Variants in NEBL observed in about 807,000 individuals in gnomAD.
The protein encoded by NEBL is LIM and SH3 protein 2.
NEBL carries 122 observed loss-of-function variants against 140.2 expected under a neutral mutation model. The observed-to-expected ratio is 0.87, with a 90% CI of 0.75 to 1.01. The LOEUF is 1.01. Among genes scored for constraint, NEBL ranks in the 50% least tolerant of loss-of-function variants. The probability of loss-of-function intolerance (pLI) is 0.00; values close to 1 mark genes in which losing one functional copy is unlikely to be tolerated. For synonymous variants in NEBL, 436 were observed against 398.9 expected (o/e 1.09, Z -1.11); for missense variants, 1,365 against 1,231.3 (o/e 1.11, Z -1.62).
intron 1 of NEBL, among the ~76,000 whole-genome samples, chr10:21,263,786 G>C (rs187678332): frequency 2.0e-5 from 3 of 152,050 alleles, no homozygotes; most frequent in African/African-American, 7.2e-5. Flanking sequence ...GCAACATGGC[G>C]AAACCCCGTC....
intron 4 of NEBL, among the ~76,000 whole-genome samples, chr10:20,925,792 T>C (rs983236580): frequency 6.6e-6 from 1 of 152,120 alleles, no homozygotes; most frequent in African/African-American, 2.4e-5. Context: ...TATTGTCTCA[T>C]GCCGGAAAAT....
At chr10:21,095,876 G>A (rs1265952789) in intron 2 of NEBL, among the ~76,000 whole-genome samples, 1 of 152,202 alleles carries the variant, frequency 6.6e-6, no homozygotes, top group Non-Finnish European at 1.5e-5. Flanking sequence ...GAACTAGAAT[G>A]TAAGAAAACC....
intron 7 of NEBL, among the ~76,000 whole-genome samples, chr10:20,867,321 G>T (rs1844396682): frequency 6.6e-6 from 1 of 152,134 alleles, no homozygotes; most frequent in South Asian, 2.1e-4. Context: ...ATTTGTTCGG[G>T]ACTTATTTTA....
rs1029839694 is a variant in NEBL, at chr10:21,276,124, C to A, written n.182+16706G>T. 2.8e-4 allele frequency among the ~76,000 whole-genome samples: 43 copies of A among 151,908 alleles called. 1 individual carries two copies. The highest frequency in any genetic ancestry group is 2.7e-3 in the Admixed American group (41 of 15,222). Reference sequence around the variant, plus strand: ...TAGATGAAACTACAGGTGTGCACAACCATGCCTGGCTAATTTTTTGTATTT... The same window carrying A: ...TAGATGAAACTACAGGTGTGCACAAACATGCCTGGCTAATTTTTTGTATTT... On this transcript the variant is annotated intron_variant and non_coding_transcript_variant, in intron 1 of 8. Transcript: ENST00000675702.
chr10:21,129,205 A>G (rs1211622219), intron 2 of NEBL, among the ~76,000 whole-genome samples: 1 of 152,216 alleles, frequency 6.6e-6, no homozygotes, highest in Non-Finnish European at 1.5e-5. Flanking sequence ...TTGGATCTAC[A>G]TAAGAAAGAA....
chr10:20,946,644 T>TAA (rs1040629665), intron 4 of NEBL, among the ~76,000 whole-genome samples: 1 of 152,116 alleles, frequency 6.6e-6, no homozygotes, highest in Non-Finnish European at 1.5e-5. Context: ...GTATGTTTGG[T>TAA]AGAGACGAGG....
intron 3 of NEBL, among the ~76,000 whole-genome samples, chr10:21,011,825 C>T (rs184950063): frequency 6.6e-6 from 1 of 152,222 alleles, no homozygotes; most frequent in Non-Finnish European, 1.5e-5. Flanking sequence ...ACCCCTGGCC[C>T]CAGGGCCACA....
intron 3 of NEBL, among the ~76,000 whole-genome samples, chr10:20,973,615 CCTT>C (rs1318702080): frequency 1.3e-5 from 2 of 152,160 alleles, no homozygotes; most frequent in African/African-American, 4.8e-5. Flanking sequence ...AATCCTCCCT[CCTT>C]CTAGTAATGG....
chr10:20,835,744 G>A, intron 13 of NEBL, 121 bp from the exon 14 acceptor site: 3 of 745,322 alleles, frequency 4.0e-6, no homozygotes, highest in Non-Finnish European at 7.2e-6. Flanking sequence ...AAAGCTCCTT[G>A]AGTACTATGA....
chr10:21,162,136 C>A (rs1840582693), intron 2 of NEBL, among the ~76,000 whole-genome samples: 1 of 151,948 alleles, frequency 6.6e-6, no homozygotes, highest in South Asian at 2.1e-4. Context: ...GGTGGAGATC[C>A]CTGGTTGATG....
intron 3 of NEBL, among the ~76,000 whole-genome samples, chr10:21,199,239 C>T (rs1374988632): frequency 6.6e-6 from 1 of 151,966 alleles, no homozygotes; most frequent in Admixed American, 6.6e-5. Context: ...CACTATGTTG[C>T]TAAGGCTGGT....
intron 3 of NEBL, among the ~76,000 whole-genome samples, chr10:21,239,215 G>C (rs111689129): frequency 6.6e-6 from 1 of 151,834 alleles, no homozygotes; most frequent in Non-Finnish European, 1.5e-5. Flanking sequence ...GTTCCAACTC[G>C]TCCTGGTGAG....
chr10:20,910,828 GTTTT>G (rs5783756), intron 4 of NEBL, among the ~76,000 whole-genome samples: 1 of 146,582 alleles, frequency 6.8e-6, no homozygotes. Context: ...TTTCGTTTTT[GTTTT>G]TTTTTTTTTG....
chr10:21,036,761 G>T (rs1354643122), intron 2 of NEBL, among the ~76,000 whole-genome samples: 1 of 152,044 alleles, frequency 6.6e-6, no homozygotes, highest in Non-Finnish European at 1.5e-5. Context: ...TGTCTCTACA[G>T]AAAGTGAACC....
chr10:21,227,647 T>C (rs917443206), intron 3 of NEBL, among the ~76,000 whole-genome samples: 8 of 144,902 alleles, frequency 5.5e-5, no homozygotes, highest in African/African-American at 2.0e-4. Flanking sequence ...TCAAAAGCAC[T>C]TGAAGTTTCT....
At chr10:21,289,187 C>G (rs1353208414) in intron 1 of NEBL, among the ~76,000 whole-genome samples, 2 of 151,762 alleles carry the variant, frequency 1.3e-5, no homozygotes, top group African/African-American at 4.8e-5. Context: ...AGGACTTAAG[C>G]CCGGTTGTTC....
At chr10:21,176,819 A>T (rs150268817), upstream of NEBL, among the ~76,000 whole-genome samples, 3 of 152,322 alleles carry the variant, frequency 2.0e-5, no homozygotes, top group East Asian at 5.8e-4. Context: ...ACACTTCTGT[A>T]TTTATAAAGT....
intron 14 of NEBL, 130 bp from the exon 15 acceptor site, chr10:20,831,713 A>G: frequency 1.5e-6 from 1 of 663,236 alleles, no homozygotes; most frequent in Non-Finnish European, 2.6e-6. Context: ...TTTTATTTCT[A>G]TAGAATAATA....
intron 11 of NEBL, among the ~76,000 whole-genome samples, chr10:20,846,746 C>T (rs1376536493): frequency 6.6e-6 from 1 of 151,936 alleles, no homozygotes; most frequent in Non-Finnish European, 1.5e-5. Flanking sequence ...TTTACATCAG[C>T]TAATTCACTT....
Sources: allele counts gnomAD v4.1 joint callset (sites outside exome capture counted in the v4.1 genomes callset), GRCh38; gene constraint gnomAD v4.1.1; transcripts MANE v1.5; gene names NCBI Gene and HGNC (gene_info 2026-07-23, HGNC 2026-07-21).